The following PSAPL1 variants were observed in gnomAD, a reference collection of about 807,000 sequenced individuals.
The protein encoded by PSAPL1 is proactivator polypeptide-like 1.
For missense variants in PSAPL1, 814 were observed against 688.8 expected (o/e 1.18, Z -2.03); for synonymous variants, 351 against 291.6 (o/e 1.20, Z -2.08).
In PSAPL1 at chr4:7,434,789, T is replaced by C. The variant is rs775052328; in HGVS notation, c.91A>G (p.Thr31Ala). The change falls in exon 1 of 1, where the codon ACG becomes GCG. Residue 31 changes from threonine to alanine, a missense_variant. Transcript: ENST00000319098. ...SGPQECAKGS[T>A]VWCQDLQTAA... Reference sequence around the variant, plus strand: ...GTCTGCAGATCCTGACACCACACCGTGGAGCCCTTTGCACACTCCTGGGGG... The same window carrying C: ...GTCTGCAGATCCTGACACCACACCGCGGAGCCCTTTGCACACTCCTGGGGG... The C allele has an allele frequency of 2.9e-5, 46 of 1,610,962 alleles. 2 individuals carry two copies. The South Asian group carries it at 4.8e-4, about 17-fold the overall frequency.
In PSAPL1 at chr4:7,433,289, G is replaced by T. The variant is rs866509461; in HGVS notation, c.*25C>A. ...ACCCACCTCATGGGCCTCGCTAGCAGGCTCTGGGTCTCTGGCAGCCACGGT... is the reference window on the plus strand; with the variant it reads ...ACCCACCTCATGGGCCTCGCTAGCATGCTCTGGGTCTCTGGCAGCCACGGT... On this transcript the variant is annotated 3_prime_UTR_variant, in exon 1 of 1. Transcript: ENST00000319098. The T allele has an allele frequency of 3.7e-5, 51 of 1,365,324 alleles. No individual in the cohort carries two copies. The South Asian group carries it at 7.8e-4, about 21-fold the overall frequency. The allele number at this position is 1,365,324 out of a possible 1,614,324, so 84.6% of individuals were successfully genotyped here. A position where few individuals can be genotyped will look rare whatever the true frequency, so the allele number is the denominator to read the frequency against.
At position 7,434,781 on chromosome 4, in the gene PSAPL1, C is replaced by G. The variant is rs202126632; in HGVS notation, c.99G>C (p.Trp33Cys). The G allele has an allele frequency of 3.7e-6, 6 of 1,611,950 alleles. No homozygotes were observed. Among genetic ancestry groups the G allele is most frequent in the Non-Finnish European group, 5.1e-6 (6 of 1,179,294 alleles). Reference protein sequence around the residue: ...PQECAKGSTVWCQDLQTAARC... With the variant: ...PQECAKGSTVCCQDLQTAARC... ...TGGCAGCTGTCTGCAGATCCTGACA[C>G]CACACCGTGGAGCCCTTTGCACACT... The change falls in exon 1 of 1, where the codon TGG (tryptophan) becomes TGC (cysteine). Residue 33 changes from tryptophan to cysteine, a missense_variant. By Grantham distance (215) the Trp-to-Cys change is radical. Coordinates refer to ENST00000319098, the MANE Select transcript of PSAPL1 (RefSeq NM_001085382.2).
rs1251005761 is a variant in PSAPL1, at chr4:7,434,924, C to G, written c.-45G>C. ...GCTCCAGAGTACCCAGCAGTGGCTG[C>G]TGCTATAAACCTGGCTCTCCTGCCT... On this transcript the variant is annotated 5_prime_UTR_variant, in exon 1 of 1. Coordinates refer to ENST00000319098, the MANE Select transcript of PSAPL1 (RefSeq NM_001085382.2). 6.7e-7 allele frequency: 1 copy of G among 1,482,466 alleles called. No individual in the cohort carries two copies. The highest frequency in any genetic ancestry group is 9.0e-7 in the Non-Finnish European group (1 of 1,116,706). 91.8% of individuals were successfully genotyped at this position (1,482,466 alleles called of 1,614,324 possible). A position where few individuals can be genotyped will look rare whatever the true frequency, so the allele number is the denominator to read the frequency against.
At position 7,433,174 on chromosome 4, in the gene PSAPL1, A is replaced by G; in HGVS notation, c.*140T>C. The G allele has an allele frequency of 1.2e-6, 1 of 845,258 alleles. No individual in the cohort carries two copies. The highest frequency in any genetic ancestry group is 1.6e-6 in the Non-Finnish European group (1 of 616,810). The allele number at this position is 845,258 out of a possible 1,614,324, so 52.4% of individuals were successfully genotyped here. On this transcript the variant is annotated 3_prime_UTR_variant, in exon 1 of 1. Coordinates refer to ENST00000319098, the MANE Select transcript of PSAPL1 (RefSeq NM_001085382.2). ...AAGAGAGAGGCTTTCGGGATCAGGA[A>G]TACTTGGTTTTGAACTTCAGCTCTG...
Sources: gnomAD v4.1 joint callset for allele counts on GRCh38, gnomAD v4.1.1 for gene constraint, MANE v1.5 for transcripts, NCBI Gene and HGNC (gene_info 2026-07-23, HGNC 2026-07-21) for gene names.